Variants in DYNC2H1 observed in about 807,000 individuals in gnomAD.
DYNC2H1 encodes cytoplasmic dynein 2 heavy chain 1.
Under a neutral mutation model 570.0 loss-of-function variants are expected in DYNC2H1, and 410 were observed. The ratio of observed to expected loss-of-function variants is 0.72; its 90% CI spans 0.66 to 0.78. DYNC2H1 has a LOEUF of 0.78. DYNC2H1 is among the 30% of genes least tolerant of loss of function. The pLI, the probability that DYNC2H1 is intolerant of heterozygous loss-of-function variation, is 0.00. For synonymous variants in DYNC2H1, 1,688 were observed against 1,677.6 expected (o/e 1.01, Z -0.15); for missense variants, 4,865 against 5,046.4 (o/e 0.96, Z 1.09).
chr11:103,255,430 A>G lies in DYNC2H1; in HGVS notation c.10222A>G (p.Ile3408Val), dbSNP rs1325402584. 5 of 1,562,928 alleles carry G rather than the reference A, an allele frequency of 3.2e-6. No homozygotes were observed. The highest frequency in any genetic ancestry group is 1.9e-5 in the Admixed American group (1 of 52,294). ...GLRGQLLALT[I>V]QHEKPDLEEQ... ...TTATCCCAAGCTTTTAGCTTTAACC[A>G]TTCAGCATGAGAAACCTGATTTAGA... The change falls in exon 67 of 89, where the codon ATT (isoleucine) becomes GTT (valine). Residue 3408 changes from isoleucine to valine, a missense_variant. By Grantham distance (29) the Ile-to-Val change is conservative (BLOSUM62 3). Coordinates refer to ENST00000375735, the MANE Select transcript of DYNC2H1 (RefSeq NM_001377.3).
At chr11:103,274,684 C>G (rs561773118) in intron 70 of DYNC2H1, among the ~76,000 whole-genome samples, 1 of 152,092 alleles carries the variant, frequency 6.6e-6, no homozygotes, top group Non-Finnish European at 1.5e-5. Context: ...TATTTTAATT[C>G]TCATGGTAGT....
In DYNC2H1 at chr11:103,192,283, T is replaced by C. The variant is rs752742388; in HGVS notation, c.7708+19T>C. Reference sequence around the variant, plus strand: ...ATGTCAGGTAAGGTAATAGAGCTTATGCAAATACATAACTATTACAAGGAT... The same window carrying C: ...ATGTCAGGTAAGGTAATAGAGCTTACGCAAATACATAACTATTACAAGGAT... On this transcript the variant is annotated intron_variant, in intron 47 of 88. Coordinates refer to ENST00000375735, the MANE Select transcript of DYNC2H1 (RefSeq NM_001377.3). 3 of 1,457,922 alleles carry C rather than the reference T, an allele frequency of 2.1e-6. No individual in the cohort carries two copies. Among genetic ancestry groups the C allele is most frequent in the Non-Finnish European group, 2.8e-6 (3 of 1,089,158 alleles). The allele number at this position is 1,457,922 out of a possible 1,614,324, so 90.3% of individuals were successfully genotyped here. A position where few individuals can be genotyped will look rare whatever the true frequency, so the allele number is the denominator to read the frequency against.
Position 103,135,748 on chromosome 11 carries a change from T to A in DYNC2H1, c.2374T>A (p.Phe792Ile). 2 of 1,610,922 alleles carry A rather than the reference T, an allele frequency of 1.2e-6. No individual in the cohort carries two copies. Among genetic ancestry groups the A allele is most frequent in the East Asian group, 4.5e-5 (2 of 44,806 alleles). The change falls in exon 17 of 89, where the codon TTT becomes ATT. Residue 792 changes from phenylalanine to isoleucine, a missense_variant. Phe to Ile is a conservative substitution (Grantham distance 21, BLOSUM62 0). This residue lies in a region of DYNC2H1 where 1,936 missense variants were observed against 1,962.1 expected (regional missense o/e 0.99). Transcript: ENST00000375735. ...KQGRLQFRPPFEEIRAKYYRE... is the reference protein window; with the variant it reads ...KQGRLQFRPPIEEIRAKYYRE... ...GGGACGATTACAATTCAGGCCCCCT[T>A]TTGAAGAAATCCGGGCTAAATATTA... is the stretch of plus-strand genomic sequence containing the variant.
intron 17 of DYNC2H1, among the ~76,000 whole-genome samples, chr11:103,141,390 G>A (rs948542600): frequency 3.3e-5 from 5 of 152,084 alleles, no homozygotes; most frequent in Admixed American, 6.5e-5. Flanking sequence ...TGGTGTGGAT[G>A]TCCTTTCTGT....
At chr11:103,468,338 A>G (rs926203713) in intron 87 of DYNC2H1, 6 of 272,652 alleles carry the variant, frequency 2.2e-5, no homozygotes, top group Non-Finnish European at 4.2e-5. Flanking sequence ...CCGCAGTTGT[A>G]TAACAGATGA....
rs61898172 is a variant in DYNC2H1, at chr11:103,249,548, G to A, written c.10043-3737G>A. On this transcript the variant is annotated intron_variant, in intron 65 of 88. Transcript: ENST00000375735. This position sits in a 1 kb window ranked among gnomAD's most constrained non-coding sequence, Gnocchi z 4.6. ...ATAACCACATTCCTAACTTACAACA[G>A]CATAGAGAAGTTTTGCTTCTTTTTG... Among the ~76,000 whole-genome samples the A allele has an allele frequency of 6.6e-6, 1 of 151,874 alleles. No individual in the cohort carries two copies. The highest frequency in any genetic ancestry group is 1.5e-5 in the Non-Finnish European group (1 of 67,934).
At chr11:103,380,217 C>T (rs1434554409) in intron 83 of DYNC2H1, among the ~76,000 whole-genome samples, 2 of 152,172 alleles carry the variant, frequency 1.3e-5, no homozygotes, top group Non-Finnish European at 2.9e-5. Context: ...TGACTGTAAA[C>T]AGTCGAGATA....
rs553516014 is a variant in DYNC2H1, at chr11:103,188,505, G to T, written c.7149G>T (p.Thr2383=). ...TATTTATTTTCAAATAGGTATTGAC[G>T]TATCAAGGATTTTATGATGAAAATT... ...TLVAFLQQVL[T]YQGFYDENLE... is the part of the protein sequence containing the mutation. The change falls in exon 44 of 89, where the codon ACG becomes ACT. Residue 2383 remains threonine, a synonymous_variant. Transcript: ENST00000375735. 1 of 1,595,448 alleles carries T rather than the reference G, an allele frequency of 6.3e-7. No individual in the cohort carries two copies. Among genetic ancestry groups the T allele is most frequent in the South Asian group, 1.1e-5 (1 of 88,062 alleles).
intron 76 of DYNC2H1, among the ~76,000 whole-genome samples, chr11:103,303,809 G>A (rs1284287460): frequency 7.2e-5 from 11 of 152,090 alleles, no homozygotes; most frequent in Admixed American, 7.2e-4. Flanking sequence ...CACTAAATCT[G>A]TTGTAATTTC....
Position 103,211,861 on chromosome 11 carries a change from G to C in DYNC2H1, c.8612G>C (p.Arg2871Pro). ...SCKAYGATPS[R>P]YMTFLHVYSA... ...AAAGCATATGGTGCTACACCAAGCC[G>C]ATACATGACCTTTTTACATGTGTAT... The change falls in exon 54 of 89, where the codon CGA becomes CCA. Residue 2871 changes from arginine to proline, a missense_variant. Transcript: ENST00000375735. 1 of 1,524,190 alleles carries C rather than the reference G, an allele frequency of 6.6e-7. No homozygotes were observed. The highest frequency in any genetic ancestry group is 8.8e-7 in the Non-Finnish European group (1 of 1,132,706). 94.4% of individuals were successfully genotyped at this position (1,524,190 alleles called of 1,614,324 possible).
At chr11:103,328,317 A>G (rs1938603048) in intron 82 of DYNC2H1, among the ~76,000 whole-genome samples, 1 of 152,132 alleles carries the variant, frequency 6.6e-6, no homozygotes, top group Non-Finnish European at 1.5e-5. Context: ...CAGTGCTTCA[A>G]TCATTTTAAC....
chr11:103,427,454 C>T (rs1943712561), intron 84 of DYNC2H1, among the ~76,000 whole-genome samples: 1 of 152,006 alleles, frequency 6.6e-6, no homozygotes, highest in African/African-American at 2.4e-5. Context: ...TAATGTATAC[C>T]ATGCTGTAGA....
intron 76 of DYNC2H1, among the ~76,000 whole-genome samples, chr11:103,304,043 A>T (rs553969630): frequency 6.6e-6 from 1 of 151,682 alleles, no homozygotes; most frequent in Non-Finnish European, 1.5e-5. Context: ...CCTTTTTTTC[A>T]ATTTGCATGT....
At chr11:103,379,146 G>A (rs916090048) in intron 83 of DYNC2H1, among the ~76,000 whole-genome samples, 3 of 152,140 alleles carry the variant, frequency 2.0e-5, no homozygotes, top group African/African-American at 7.2e-5. Context: ...AAGACAATGT[G>A]AAAAGAAAAG....
chr11:103,342,889 C>A (rs73599034), intron 82 of DYNC2H1, among the ~76,000 whole-genome samples: 5,419 of 152,140 alleles, frequency 0.036, 318 homozygotes, highest in African/African-American at 0.12. Context: ...CCAGACATAT[C>A]TTGGGGGCTT....
intron 75 of DYNC2H1, among the ~76,000 whole-genome samples, chr11:103,293,954 C>G (rs978880974): frequency 2.6e-4 from 39 of 151,884 alleles, no homozygotes; most frequent in Admixed American, 2.6e-3. Context: ...GCAGGCGCCT[C>G]TAATCCCAGC....
At chr11:103,416,193 C>T (rs1943274601) in intron 84 of DYNC2H1, among the ~76,000 whole-genome samples, 1 of 152,090 alleles carries the variant, frequency 6.6e-6, no homozygotes, top group African/African-American at 2.4e-5. Context: ...GAGAAATACC[C>T]AGTGTAAATG....
chr11:103,406,539 TGTTA>T (rs1942871076), intron 84 of DYNC2H1: 1 of 152,082 alleles, frequency 6.6e-6, no homozygotes, highest in East Asian at 1.9e-4. Flanking sequence ...GTGTTAACCA[TGTTA>T]GTTTGTTTCA....
In DYNC2H1 at chr11:103,181,919, A is replaced by C; in HGVS notation, c.6477+33A>C. 6.3e-7 allele frequency: 1 copy of C among 1,587,936 alleles called. No individual in the cohort carries two copies. The highest frequency in any genetic ancestry group is 8.6e-7 in the Non-Finnish European group (1 of 1,165,212). ...AACCATAATATTTCATAATTAATCG[A>C]GGTGAGAAGTATGATTAAGAGTGAT... On this transcript the variant is annotated intron_variant, in intron 40 of 88. Transcript: ENST00000375735. The surrounding 1 kb of genome is among the most constrained non-coding windows in gnomAD (Gnocchi z 5.0).
Sources: gnomAD v4.1 joint callset for allele counts (sites outside exome capture counted in the v4.1 genomes callset) on GRCh38, gnomAD v4.1.1 for gene constraint, gnomAD v4.1.1 regional missense constraint, Gnocchi (gnomAD v3.1) non-coding constraint, MANE v1.5 for transcripts, NCBI Gene and HGNC (gene_info 2026-07-23, HGNC 2026-07-21) for gene names.